LRRN2: variants seen among roughly 807,000 people sequenced by gnomAD.
LRRN2 encodes leucine rich repeat neuronal 2.
Under a neutral mutation model 35.7 loss-of-function variants are expected in LRRN2, and 10 were observed. That is an observed-to-expected ratio of 0.28 (90% CI 0.17 to 0.47). The LOEUF (loss-of-function observed/expected upper bound fraction) is 0.47, where lower values mean the gene tolerates loss of function less well. Among genes scored for constraint, LRRN2 ranks in the 20% least tolerant of loss-of-function variants. The pLI is 0.99. For missense variants in LRRN2, 731 were observed against 940.3 expected, an observed-to-expected ratio of 0.78 and a Z score of 2.91; for synonymous variants, 391 against 409.6, an observed-to-expected ratio of 0.95 and a Z score of 0.55.
chr1:204,683,638 T>C (rs533350992), intron 1 of LRRN2, among the ~76,000 whole-genome samples: 1 of 152,108 alleles, frequency 6.6e-6, no homozygotes, highest in African/African-American at 2.4e-5. Context: ...GGAGAGGGTG[T>C]GGATTTGGGG....
At position 204,660,552 on chromosome 1, in the gene LRRN2, GAC is replaced by G. The variant is rs72072762; in HGVS notation, c.-227+24766_-227+24767del. 4.5e-3 allele frequency among the ~76,000 whole-genome samples: 639 copies of G among 143,136 alleles called. 7 individuals are homozygous for G. The highest frequency in any genetic ancestry group is 0.023 in the South Asian group (99 of 4,282). The allele number at this position is 143,136 out of a possible 152,430, so 93.9% of individuals were successfully genotyped here. On this transcript the variant is annotated intron_variant, in intron 1 of 1. Transcript: ENST00000367177. ...TTCTCCCTTCTCCCCGCCTTACACAGACACACACACACACACACACACACACA... is the reference window on the plus strand; with the variant it reads ...TTCTCCCTTCTCCCCGCCTTACACAGACACACACACACACACACACACACA...
intron 1 of LRRN2, among the ~76,000 whole-genome samples, chr1:204,679,120 AC>A (rs1278882557): frequency 3.3e-5 from 5 of 152,044 alleles, no homozygotes; most frequent in African/African-American, 1.2e-4. Context: ...CCACCATTCA[AC>A]CCCTGGGCCC....
chr1:204,680,486 C>T (rs1026126750), intron 1 of LRRN2, among the ~76,000 whole-genome samples: 18 of 152,238 alleles, frequency 1.2e-4, no homozygotes, highest in African/African-American at 4.3e-4. Context: ...TCCTAAAAGG[C>T]AGCCCCCTCA....
intron 1 of LRRN2, 120 bp downstream of exon 1, chr1:204,685,200 T>A (rs1469371106): frequency 1.3e-5 from 2 of 152,276 alleles, no homozygotes; most frequent in Non-Finnish European, 2.9e-5. Flanking sequence ...CCAGGAGCCC[T>A]GAGGCGGCTG....
In LRRN2 at chr1:204,661,710, A is replaced by G. The variant is rs1475464941; in HGVS notation, c.-227+23610T>C. On this transcript the variant is annotated intron_variant, in intron 1 of 1. Coordinates refer to ENST00000367177, the MANE Select transcript of LRRN2 (RefSeq NM_201630.2). ...GCCATGAGGGGCAGCTGGGTGGCTG[A>G]GGGCTCCCGGATGCCCTTGGCAGGG... 2.0e-5 allele frequency among the ~76,000 whole-genome samples: 3 copies of G among 152,264 alleles called. No individual in the cohort carries two copies. The East Asian group carries it at 5.8e-4, about 29-fold the overall frequency.
chr1:204,678,732 C>T (rs1307458149), intron 1 of LRRN2, among the ~76,000 whole-genome samples: 2 of 152,156 alleles, frequency 1.3e-5, no homozygotes, highest in Admixed American at 1.3e-4. Context: ...ACCCCCTCAT[C>T]TCTCCTCAGA....
intron 1 of LRRN2, among the ~76,000 whole-genome samples, chr1:204,654,877 C>T (rs1192238427): frequency 6.6e-6 from 1 of 152,194 alleles, no homozygotes; most frequent in East Asian, 1.9e-4. Flanking sequence ...AATTGGCAAA[C>T]ACTACAAATC....
chr1:204,656,064 C>T (rs866339409), intron 1 of LRRN2, among the ~76,000 whole-genome samples: 14 of 146,688 alleles, frequency 9.5e-5, no homozygotes, highest in East Asian at 2.0e-4. Flanking sequence ...CGCCCGCCAC[C>T]ACGCCCGGCT....
chr1:204,619,704 C>G lies in LRRN2; in HGVS notation c.289G>C (p.Glu97Gln). The G allele has an allele frequency of 6.2e-7, 1 of 1,614,196 alleles. No individual in the cohort carries two copies. The highest frequency in any genetic ancestry group is 1.1e-5 in the South Asian group (1 of 91,086). The change falls in exon 2 of 2, where the codon GAG becomes CAG. Residue 97 changes from glutamate to glutamine, a missense_variant. Glu to Gln is a conservative substitution (Grantham distance 29). This residue lies in a region of LRRN2 where 246 missense variants were observed against 289.5 expected (regional missense o/e 0.85). Transcript: ENST00000367177. ...SELGYLANLT[E>Q]LDLSQNSFSD... ...AAGCTGTTCTGGGACAGGTCCAGCTCTGTGAGATTGGCCAGGTAGCCCAGC... is the reference window on the plus strand; with the variant it reads ...AAGCTGTTCTGGGACAGGTCCAGCTGTGTGAGATTGGCCAGGTAGCCCAGC...
intron 1 of LRRN2, among the ~76,000 whole-genome samples, chr1:204,670,244 G>T (rs1256580630): frequency 6.6e-6 from 1 of 152,144 alleles, no homozygotes; most frequent in African/African-American, 2.4e-5. Flanking sequence ...CTGGATGTAA[G>T]GCGGTAGAGA....
At chr1:204,664,957 G>T (rs1668546505) in intron 1 of LRRN2, among the ~76,000 whole-genome samples, 1 of 152,036 alleles carries the variant, frequency 6.6e-6, no homozygotes, top group Admixed American at 6.6e-5. Flanking sequence ...ATCCCATTCA[G>T]TTCCCTAAAG....
intron 1 of LRRN2, among the ~76,000 whole-genome samples, chr1:204,644,289 A>G (rs1394192458): frequency 6.6e-6 from 1 of 152,006 alleles, no homozygotes; most frequent in Non-Finnish European, 1.5e-5. Context: ...CTGACATTCC[A>G]CAGTTGCCAT....
intron 1 of LRRN2, among the ~76,000 whole-genome samples, chr1:204,681,780 CAG>C (rs1303675335): frequency 6.6e-6 from 1 of 152,246 alleles, no homozygotes; most frequent in Non-Finnish European, 1.5e-5. Context: ...TGGAAAGTAA[CAG>C]ATAAAGGCAT....
rs377246330 is a variant in LRRN2, at chr1:204,619,240, C to G, written c.753G>C (p.Arg251=). 11 of 1,614,008 alleles carry G rather than the reference C, an allele frequency of 6.8e-6. No individual in the cohort carries two copies. Among genetic ancestry groups the G allele is most frequent in the Non-Finnish European group, 8.5e-6 (10 of 1,180,048 alleles). ...SLSFYDNQLA[R]VPRRALEQVP... ...CCTGTTCCAGTGCCCGCCTGGGCAC[C>G]CGGGCCAGCTGGTTGTCATAGAAGG... The change falls in exon 2 of 2, where the codon CGG becomes CGC. Residue 251 remains arginine (R), a synonymous_variant. Transcript: ENST00000367177.
chr1:204,657,744 A>G (rs1668390977), intron 1 of LRRN2, among the ~76,000 whole-genome samples: 1 of 152,184 alleles, frequency 6.6e-6, no homozygotes, highest in South Asian at 2.1e-4. Context: ...TGTGAATTAT[A>G]TCTCAATTTT....
chr1:204,666,370 A>T (rs1668573409), intron 1 of LRRN2, among the ~76,000 whole-genome samples: 1 of 152,260 alleles, frequency 6.6e-6, no homozygotes, highest in South Asian at 2.1e-4. Flanking sequence ...GTAAAACACC[A>T]TGCTAGGTGC....
intron 1 of LRRN2, among the ~76,000 whole-genome samples, chr1:204,658,767 C>T (rs1449543361): frequency 1.3e-5 from 2 of 152,226 alleles, no homozygotes; most frequent in Non-Finnish European, 2.9e-5. Flanking sequence ...AGTCAGTTAC[C>T]TTCTCAAGTT....
intron 1 of LRRN2, among the ~76,000 whole-genome samples, chr1:204,680,463 G>T (rs753860186): frequency 2.0e-5 from 3 of 152,208 alleles, no homozygotes; most frequent in Non-Finnish European, 4.4e-5. Flanking sequence ...AACCAAACCT[G>T]GTTAAACTCA....
At position 204,618,424 on chromosome 1, in the gene LRRN2, C is replaced by T. The variant is rs548079733; in HGVS notation, c.1569G>A (p.Arg523=). The T allele has an allele frequency of 5.0e-6, 8 of 1,614,082 alleles. No individual in the cohort carries two copies. The African/African-American group carries it at 1.1e-4, about 22-fold the overall frequency. Residue 523 remains arginine, a synonymous_variant, in exon 2 of 2, where the codon AGG becomes AGA. Transcript: ENST00000367177. The part of the protein sequence containing the change: ...VVGRALLQPG[R]DEGQGLELRV... ...GGAGCTCCAGCCCCTGTCCTTCGTC[C>T]CTGCCTGGCTGGAGGAGAGCACGGC...
Sources: gnomAD v4.1 joint callset for allele counts (sites outside exome capture counted in the v4.1 genomes callset) on GRCh38, gnomAD v4.1.1 for gene constraint, gnomAD v4.1.1 regional missense constraint, MANE v1.5 for transcripts, NCBI Gene and HGNC (gene_info 2026-07-23, HGNC 2026-07-21) for gene names.